Variants in HECW1 observed in about 807,000 individuals in gnomAD.
HECW1 encodes HECT, C2 and WW domain containing E3 ubiquitin protein ligase 1.
In HECW1, 61 loss-of-function variants were observed where a neutral mutation model predicts 182.3. The ratio of observed to expected loss-of-function variants is 0.33; its 90% CI spans 0.27 to 0.41. HECW1 has a LOEUF of 0.41. Among genes scored for constraint, HECW1 ranks in the 10% least tolerant of loss-of-function variants. The pLI, the probability that HECW1 is intolerant of heterozygous loss-of-function variation, is 1.00. For missense variants in HECW1, 1,739 were observed against 2,108.9 expected, an observed-to-expected ratio of 0.82 and a Z score of 3.44; for synonymous variants, 859 against 832.6, an observed-to-expected ratio of 1.03 and a Z score of -0.55.
chr7:43,118,973 T>C (rs1239508902), intron 2 of HECW1: 1 of 152,268 alleles, frequency 6.6e-6, no homozygotes, highest in African/African-American at 2.4e-5. Flanking sequence ...GTTGTCCCAC[T>C]GGCCTTCTTC....
At chr7:43,180,338 A>C (rs535778852) in intron 2 of HECW1, among the ~76,000 whole-genome samples, 1 of 137,728 alleles carries the variant, frequency 7.3e-6, no homozygotes, top group African/African-American at 2.8e-5. Context: ...TGAGTAATCA[A>C]ATTGACTTAT....
chr7:43,348,625 G>A (rs1035656380), intron 5 of HECW1, among the ~76,000 whole-genome samples: 14 of 151,976 alleles, frequency 9.2e-5, no homozygotes, highest in Non-Finnish European at 1.8e-4. Flanking sequence ...TGCTCTTTCA[G>A]ACTTTTTGAT....
chr7:43,399,678 C>A (rs1268463326), intron 7 of HECW1, among the ~76,000 whole-genome samples: 1 of 152,196 alleles, frequency 6.6e-6, no homozygotes, highest in East Asian at 1.9e-4. Context: ...ACCACCACCC[C>A]AACTTGGTTC....
intron 7 of HECW1, among the ~76,000 whole-genome samples, chr7:43,401,279 A>C (rs1440529883): frequency 1.3e-5 from 2 of 152,240 alleles, no homozygotes; most frequent in Admixed American, 1.3e-4. Flanking sequence ...ACAGAAAGGG[A>C]ATCAGTGATA....
At chr7:43,540,839 A>G (rs572661385) in intron 24 of HECW1, among the ~76,000 whole-genome samples, 14 of 152,232 alleles carry the variant, frequency 9.2e-5, no homozygotes, top group African/African-American at 3.4e-4. Context: ...TGGGCTTTTT[A>G]TCTAAGATTT....
chr7:43,412,113 G>A (rs191095620), intron 8 of HECW1, among the ~76,000 whole-genome samples: 46 of 152,006 alleles, frequency 3.0e-4, no homozygotes, highest in Middle Eastern at 3.4e-3. Flanking sequence ...ACGGCTTTGC[G>A]TTACTTCCTT....
chr7:43,263,663 G>A (rs1044707818), intron 3 of HECW1, among the ~76,000 whole-genome samples: 1 of 151,904 alleles, frequency 6.6e-6, no homozygotes, highest in East Asian at 1.9e-4. Flanking sequence ...CTGGCCCTGA[G>A]CTCTGTTAAT....
chr7:43,178,699 A>G (rs1045831537), intron 2 of HECW1, among the ~76,000 whole-genome samples: 1 of 152,228 alleles, frequency 6.6e-6, no homozygotes, highest in Non-Finnish European at 1.5e-5. Context: ...TGAAAGATGG[A>G]AAGAAACATG....
intron 6 of HECW1, among the ~76,000 whole-genome samples, chr7:43,375,121 T>C (rs2074274042): frequency 2.0e-5 from 3 of 152,194 alleles, no homozygotes; most frequent in Admixed American, 2.0e-4. Flanking sequence ...TTTCTTGCAT[T>C]GAATTTACTC....
chr7:43,538,549 C>A (rs934738574), intron 24 of HECW1, among the ~76,000 whole-genome samples: 1 of 152,150 alleles, frequency 6.6e-6, no homozygotes, highest in Non-Finnish European at 1.5e-5. Flanking sequence ...GGCCCCAGAA[C>A]CCAGAGTAGC....
intron 10 of HECW1, among the ~76,000 whole-genome samples, chr7:43,443,831 A>G (rs2076962131): frequency 6.6e-6 from 1 of 152,212 alleles, no homozygotes; most frequent in African/African-American, 2.4e-5. Context: ...GCAATTAACT[A>G]AATATAATCA....
chr7:43,453,289 G>A (rs1203299710), intron 12 of HECW1, among the ~76,000 whole-genome samples: 2 of 152,176 alleles, frequency 1.3e-5, no homozygotes, highest in Admixed American at 1.3e-4. Context: ...GAGGTGGTGA[G>A]GAGTGGTCTG....
At chr7:43,501,100 T>C (rs951061476) in intron 20 of HECW1, 113 bp from the exon 21 acceptor site, 10 of 631,138 alleles carry the variant, frequency 1.6e-5, no homozygotes, top group African/African-American at 1.5e-4. Flanking sequence ...TAATTGCTTT[T>C]GTTGCTTTGT....
At chr7:43,265,837 C>T (rs975164179) in intron 3 of HECW1, among the ~76,000 whole-genome samples, 4 of 152,198 alleles carry the variant, frequency 2.6e-5, no homozygotes, top group African/African-American at 9.6e-5. Context: ...AAACTCCCCC[C>T]TCAGGTTCAA....
chr7:43,342,758 G>T (rs1470029980), intron 5 of HECW1, among the ~76,000 whole-genome samples: 1 of 151,796 alleles, frequency 6.6e-6, no homozygotes, highest in Non-Finnish European at 1.5e-5. Flanking sequence ...GGGCATGGTG[G>T]CTCACGCCTG....
intron 17 of HECW1, among the ~76,000 whole-genome samples, chr7:43,488,448 G>GAAAGA (rs1563046078): frequency 7.4e-6 from 1 of 134,894 alleles, no homozygotes; most frequent in Non-Finnish European, 1.6e-5. Flanking sequence ...AAGAAAGAAA[G>GAAAGA]AAAGAAAGAA....
chr7:43,115,287 A>G (rs1238307743), intron 2 of HECW1, among the ~76,000 whole-genome samples: 1 of 141,324 alleles, frequency 7.1e-6, no homozygotes, highest in Non-Finnish European at 1.5e-5. Context: ...TTACTCACCA[A>G]CTCAAACAGG....
intron 19 of HECW1, among the ~76,000 whole-genome samples, chr7:43,493,656 T>A (rs1478192670): frequency 6.6e-6 from 1 of 152,232 alleles, no homozygotes; most frequent in Non-Finnish European, 1.5e-5. Flanking sequence ...CCTGAAACTC[T>A]GAATCACATG....
chr7:43,244,031 G>A, intron 3 of HECW1, 99 bp downstream of exon 3: 1 of 960,446 alleles, frequency 1.0e-6, no homozygotes, highest in South Asian at 1.3e-5. Context: ...GGCCATTGCG[G>A]TTGCCCAGCC....
Sources: allele counts gnomAD v4.1 joint callset (sites outside exome capture counted in the v4.1 genomes callset), GRCh38; gene constraint gnomAD v4.1.1; transcripts MANE v1.5; gene names NCBI Gene and HGNC (gene_info 2026-07-23, HGNC 2026-07-21).